Variants in DLG2 observed in about 807,000 individuals in gnomAD.
DLG2 encodes disks large homolog 2.
In DLG2, 45 loss-of-function variants were observed where a neutral mutation model predicts 132.5. The ratio of observed to expected loss-of-function variants is 0.34; its 90% CI spans 0.27 to 0.44. DLG2 has a LOEUF of 0.44. Ranked by LOEUF, DLG2 falls within the 20% of genes least tolerant of loss-of-function variation. The pLI, the probability that DLG2 is intolerant of heterozygous loss-of-function variation, is 1.00. For missense variants in DLG2, 1,045 were observed against 1,196.9 expected, an observed-to-expected ratio of 0.87 and a Z score of 1.87; for synonymous variants, 424 against 419.6, an observed-to-expected ratio of 1.01 and a Z score of -0.13.
chr11:84,325,154 T>C (rs1417574187), intron 7 of DLG2, among the ~76,000 whole-genome samples: 3 of 152,156 alleles, frequency 2.0e-5, no homozygotes, highest in Non-Finnish European at 2.9e-5. Flanking sequence ...GGACTTTTCA[T>C]ATCTGATTTT....
intron 8 of DLG2, among the ~76,000 whole-genome samples, chr11:84,250,903 A>T (rs1033521589): frequency 7.2e-5 from 11 of 152,198 alleles, no homozygotes; most frequent in Non-Finnish European, 1.5e-4. Context: ...TGACTTGAAT[A>T]TTCCTTTTAT....
At chr11:84,317,423 C>T (rs1266898698) in intron 7 of DLG2, 1 of 1,220,788 alleles carries the variant, frequency 8.2e-7, no homozygotes, top group Admixed American at 3.7e-5. Context: ...GCAATCAATG[C>T]TCCACACAGC....
intron 18 of DLG2, among the ~76,000 whole-genome samples, chr11:83,690,074 T>G (rs2080695083): frequency 1.4e-5 from 2 of 147,996 alleles, no homozygotes; most frequent in Admixed American, 6.8e-5. Flanking sequence ...ATATTATAAA[T>G]TATTGTGTAA....
intron 4 of DLG2, among the ~76,000 whole-genome samples, chr11:85,187,060 C>T (rs1299208300): frequency 6.6e-6 from 1 of 151,998 alleles, no homozygotes; most frequent in Non-Finnish European, 1.5e-5. Flanking sequence ...TTTAAAAATC[C>T]ATTTACATGA....
At chr11:84,615,055 A>G (rs2099601531) in intron 6 of DLG2, among the ~76,000 whole-genome samples, 1 of 152,096 alleles carries the variant, frequency 6.6e-6, no homozygotes, top group Admixed American at 6.6e-5. Context: ...CCCAATTCAT[A>G]AGGATGATAC....
At chr11:83,805,477 T>C (rs989887892) in intron 17 of DLG2, among the ~76,000 whole-genome samples, 8 of 151,998 alleles carry the variant, frequency 5.3e-5, no homozygotes, top group Admixed American at 5.2e-4. Context: ...TGATATATCA[T>C]ATATTTGGTT....
At chr11:84,790,877 T>C (rs2073738883) in intron 6 of DLG2, among the ~76,000 whole-genome samples, 1 of 152,248 alleles carries the variant, frequency 6.6e-6, no homozygotes, top group African/African-American at 2.4e-5. Flanking sequence ...GGCACCTTTG[T>C]TGAAAATGAC....
chr11:85,511,851 T>C (rs2094079027), intron 3 of DLG2, among the ~76,000 whole-genome samples: 2 of 151,788 alleles, frequency 1.3e-5, no homozygotes, highest in Admixed American at 1.3e-4. Context: ...CCCAAATAGC[T>C]AGGACCACAG....
intron 3 of DLG2, among the ~76,000 whole-genome samples, chr11:85,593,872 ATAAT>A (rs1289587652): frequency 1.3e-5 from 2 of 152,158 alleles, no homozygotes; most frequent in Non-Finnish European, 2.9e-5. Context: ...TAATTGAATA[ATAAT>A]TAATTGTGTG....
chr11:84,882,287 G>A (rs2087468648), intron 6 of DLG2, among the ~76,000 whole-genome samples: 1 of 151,748 alleles, frequency 6.6e-6, no homozygotes, highest in Non-Finnish European at 1.5e-5. Flanking sequence ...TTCTTGTGGG[G>A]AAAGGGTTTG....
intron 14 of DLG2, among the ~76,000 whole-genome samples, 187 bp from the exon 15 acceptor site, chr11:83,930,670 T>C (rs1318493735): frequency 1.3e-5 from 2 of 152,228 alleles, no homozygotes; most frequent in African/African-American, 4.8e-5. Context: ...CCTCAGACTC[T>C]TCTGTGGGTA....
chr11:84,719,593 A>G (rs2061574787), intron 6 of DLG2, among the ~76,000 whole-genome samples: 1 of 152,172 alleles, frequency 6.6e-6, no homozygotes, highest in Non-Finnish European at 1.5e-5. Context: ...TATATTTCAG[A>G]AAAGGAGCAA....
chr11:85,350,990 T>C (rs938177481), intron 3 of DLG2, among the ~76,000 whole-genome samples: 1 of 152,190 alleles, frequency 6.6e-6, no homozygotes, highest in Non-Finnish European at 1.5e-5. Flanking sequence ...ATCTGTAAAT[T>C]ACCTTGGGCA....
At chr11:84,469,736 T>C (rs1280069119) in intron 7 of DLG2, among the ~76,000 whole-genome samples, 1 of 151,640 alleles carries the variant, frequency 6.6e-6, no homozygotes, top group Non-Finnish European at 1.5e-5. Context: ...ATTGAAATAT[T>C]TGCAGCCTTA....
chr11:83,820,496 GCATTTCATATGTAA>G (rs1308027007), intron 17 of DLG2, among the ~76,000 whole-genome samples: 15 of 152,254 alleles, frequency 9.9e-5, no homozygotes, highest in African/African-American at 3.6e-4. Context: ...CGATACCTAA[GCATTTCATATGTAA>G]CAAGGTAAAC....
At chr11:83,946,555 T>G (rs936408303) in intron 14 of DLG2, among the ~76,000 whole-genome samples, 1 of 152,124 alleles carries the variant, frequency 6.6e-6, no homozygotes, top group African/African-American at 2.4e-5. Context: ...AGGTCGGAAA[T>G]AGTCACATTT....
At chr11:85,048,701 G>A (rs536943975) in intron 6 of DLG2, among the ~76,000 whole-genome samples, 2 of 151,888 alleles carry the variant, frequency 1.3e-5, no homozygotes, top group South Asian at 4.2e-4. Context: ...TGTAAATTAG[G>A]GTCCATCAAA....
At chr11:84,904,182 G>A (rs2091247698) in intron 6 of DLG2, among the ~76,000 whole-genome samples, 1 of 152,012 alleles carries the variant, frequency 6.6e-6, no homozygotes, top group Non-Finnish European at 1.5e-5. Flanking sequence ...AGACCCATAC[G>A]CACCAAGTCT....
At chr11:84,864,418 G>A (rs1161397696) in intron 6 of DLG2, among the ~76,000 whole-genome samples, 1 of 152,080 alleles carries the variant, frequency 6.6e-6, no homozygotes, top group Admixed American at 6.6e-5. Context: ...CATTCTTCCT[G>A]TTAATGTTCT....
Sources: allele counts gnomAD v4.1 joint callset (sites outside exome capture counted in the v4.1 genomes callset), GRCh38; gene constraint gnomAD v4.1.1; transcripts MANE v1.5; gene names NCBI Gene and HGNC (gene_info 2026-07-23, HGNC 2026-07-21).